The following PLPPR1 variants were observed in gnomAD, a reference collection of about 807,000 sequenced individuals.
PLPPR1 encodes the protein phospholipid phosphatase-related protein type 1.
PLPPR1 carries 10 observed loss-of-function variants against 33.1 expected under a neutral mutation model. The ratio of observed to expected loss-of-function variants is 0.30; its 90% CI spans 0.19 to 0.51. PLPPR1 has a LOEUF of 0.51. Among genes scored for constraint, PLPPR1 ranks in the 20% least tolerant of loss-of-function variants. The pLI is 0.97. For synonymous variants in PLPPR1, 151 were observed against 151.0 expected (o/e 1.00, Z 0.00); for missense variants, 304 against 408.1 (o/e 0.74, Z 2.20).
intron 2 of PLPPR1, among the ~76,000 whole-genome samples, chr9:101,222,858 T>G (rs1826974418): frequency 6.6e-6 from 1 of 151,820 alleles, no homozygotes; most frequent in African/African-American, 2.4e-5. Context: ...AGATCCTTTA[T>G]TAATTCACCC....
At chr9:101,167,031 G>T (rs1458566299) in intron 1 of PLPPR1, among the ~76,000 whole-genome samples, 1 of 131,330 alleles carries the variant, frequency 7.6e-6, no homozygotes, top group Non-Finnish European at 1.6e-5. Flanking sequence ...TTCTGAGGGT[G>T]CCAGAAGATC....
chr9:101,154,466 A>G (rs2118657093), intron 1 of PLPPR1, among the ~76,000 whole-genome samples: 1 of 152,210 alleles, frequency 6.6e-6, no homozygotes, highest in African/African-American at 2.4e-5. Context: ...GAATTTATCC[A>G]TTTCATCTAG....
chr9:101,247,682 ACT>A (rs1352558366), intron 2 of PLPPR1, among the ~76,000 whole-genome samples: 1 of 151,904 alleles, frequency 6.6e-6, no homozygotes, highest in Non-Finnish European at 1.5e-5. Flanking sequence ...CATGTACCAG[ACT>A]CTGAAAACAC....
chr9:101,120,659 A>G (rs903393398), intron 1 of PLPPR1, among the ~76,000 whole-genome samples: 1 of 152,208 alleles, frequency 6.6e-6, no homozygotes, highest in Non-Finnish European at 1.5e-5. Context: ...TGATTACACC[A>G]CCATATGCTC....
At chr9:101,186,266 T>C (rs1426292483) in intron 2 of PLPPR1, among the ~76,000 whole-genome samples, 1 of 151,900 alleles carries the variant, frequency 6.6e-6, no homozygotes, top group Non-Finnish European at 1.5e-5. Context: ...AAATAAGATG[T>C]TGATTTGCCA....
At chr9:101,168,532 C>T (rs1344739766) in intron 1 of PLPPR1, among the ~76,000 whole-genome samples, 1 of 152,112 alleles carries the variant, frequency 6.6e-6, no homozygotes, top group Non-Finnish European at 1.5e-5. Flanking sequence ...TTCTCATTCT[C>T]TATGTTATTT....
rs543131737 is a variant in PLPPR1, at chr9:101,319,323, C to T, written c.945+1827C>T. Among the ~76,000 whole-genome samples the T allele has an allele frequency of 3.2e-3, 493 of 152,254 alleles. 6 individuals are homozygous for T. Among genetic ancestry groups the T allele is most frequent in the African/African-American group, 0.011 (474 of 41,534 alleles). ...TCCCAAGTAGCTGGGACTACAGGCA[C>T]GCGCCACCACGCCTGGCTACTTTCT... On this transcript the variant is annotated intron_variant, in intron 7 of 7. Transcript: ENST00000374874.
chr9:101,236,627 G>T (rs529391739), intron 2 of PLPPR1, among the ~76,000 whole-genome samples: 1 of 150,302 alleles, frequency 6.7e-6, no homozygotes, highest in Admixed American at 6.7e-5. Context: ...TTTAGTTAAC[G>T]TGTAATAACT....
chr9:101,150,899 C>T (rs900817117), intron 1 of PLPPR1, among the ~76,000 whole-genome samples: 6 of 151,956 alleles, frequency 3.9e-5, no homozygotes, highest in African/African-American at 9.7e-5. Context: ...CTCTCGTTCT[C>T]GGTGCAGTCT....
intron 4 of PLPPR1, among the ~76,000 whole-genome samples, chr9:101,303,706 T>C (rs1190533589): frequency 6.6e-6 from 1 of 152,214 alleles, no homozygotes; most frequent in African/African-American, 2.4e-5. Flanking sequence ...CTTTTCAACA[T>C]AGATGCAGAG....
intron 2 of PLPPR1, among the ~76,000 whole-genome samples, chr9:101,263,679 A>T (rs1351641086): frequency 1.3e-5 from 2 of 152,152 alleles, no homozygotes. Flanking sequence ...TTGAGTGGAG[A>T]GAGATATTTA....
At chr9:101,109,862 A>G (rs1486086054) in intron 1 of PLPPR1, among the ~76,000 whole-genome samples, 1 of 152,176 alleles carries the variant, frequency 6.6e-6, no homozygotes, top group Non-Finnish European at 1.5e-5. Context: ...CACTGGGCAG[A>G]TTGTTTGTGA....
chr9:101,241,697 C>T (rs937324454), intron 2 of PLPPR1, among the ~76,000 whole-genome samples: 14 of 152,136 alleles, frequency 9.2e-5, no homozygotes, highest in African/African-American at 1.2e-4. Context: ...ATGAGGTAGA[C>T]GACCCTGAAG....
At chr9:101,106,080 T>C (rs1830964641) in intron 1 of PLPPR1, among the ~76,000 whole-genome samples, 1 of 151,504 alleles carries the variant, frequency 6.6e-6, no homozygotes, top group African/African-American at 2.4e-5. Flanking sequence ...TACAGCACAC[T>C]GATGGTCTTG....
chr9:101,286,667 G>A (rs78917859), intron 4 of PLPPR1, among the ~76,000 whole-genome samples: 1 of 152,226 alleles, frequency 6.6e-6, no homozygotes, highest in East Asian at 1.9e-4. Context: ...CAGCCATCAG[G>A]TTCTTGAAAA....
chr9:101,035,480 C>T (rs1398565820), intron 1 of PLPPR1, among the ~76,000 whole-genome samples: 15 of 152,130 alleles, frequency 9.9e-5, no homozygotes, highest in Non-Finnish European at 1.9e-4. Flanking sequence ...TCAGGCCTTT[C>T]GCCATGCTGT....
At chr9:101,071,486 C>T (rs1411365) in intron 1 of PLPPR1, among the ~76,000 whole-genome samples, 92,176 of 151,868 alleles carry the variant, frequency 0.61, 27,955 homozygotes, top group East Asian at 0.63. Flanking sequence ...GTACCCACTA[C>T]GTGCCAGACA....
At chr9:101,204,680 G>A (rs12115397) in intron 2 of PLPPR1, among the ~76,000 whole-genome samples, 1 of 152,074 alleles carries the variant, frequency 6.6e-6, no homozygotes, top group Non-Finnish European at 1.5e-5. Flanking sequence ...GGATTTCTAA[G>A]CTTCTCTAGT....
At chr9:101,264,735 C>T (rs571334354) in intron 2 of PLPPR1, among the ~76,000 whole-genome samples, 1 of 152,262 alleles carries the variant, frequency 6.6e-6, no homozygotes, top group South Asian at 2.1e-4. Context: ...TATATTGTCT[C>T]TGGTTTGTCT....
Sources: allele counts gnomAD v4.1 joint callset (sites outside exome capture counted in the v4.1 genomes callset), GRCh38; gene constraint gnomAD v4.1.1; transcripts MANE v1.5; gene names NCBI Gene and HGNC (gene_info 2026-07-23, HGNC 2026-07-21).